Variants in NFIB observed in about 807,000 individuals in gnomAD.
The protein encoded by NFIB is nuclear factor I B, also known as nuclear factor 1 B-type.
NFIB carries 11 observed loss-of-function variants against 61.5 expected under a neutral mutation model. The ratio of observed to expected loss-of-function variants is 0.18; its 90% CI spans 0.11 to 0.30. The LOEUF (loss-of-function observed/expected upper bound fraction) is 0.30, where lower values mean the gene tolerates loss of function less well. Among genes scored for constraint, NFIB ranks in the 10% least tolerant of loss-of-function variants. The pLI is 1.00. For synonymous variants in NFIB, 260 were observed against 216.5 expected (o/e 1.20, Z -1.76); for missense variants, 471 against 608.9 (o/e 0.77, Z 2.38).
the NFIB span, among the ~76,000 whole-genome samples, chr9:14,520,138 A>C: frequency 6.6e-6 from 1 of 151,886 alleles, no homozygotes; most frequent in Non-Finnish European, 1.5e-5. Flanking sequence ...ATTTCCTTCT[A>C]CTAAAAATTT....
At chr9:14,185,997 A>G (rs555479790) in intron 2 of NFIB, among the ~76,000 whole-genome samples, 1 of 152,348 alleles carries the variant, frequency 6.6e-6, no homozygotes, top group African/African-American at 2.4e-5. Flanking sequence ...ACCTTTATAG[A>G]TAAACTTTCT....
chr9:14,367,903 T>G (rs923091421), intron 1 of NFIB, among the ~76,000 whole-genome samples: 2 of 151,974 alleles, frequency 1.3e-5, no homozygotes, highest in African/African-American at 4.8e-5. Flanking sequence ...AAGGGAGGGA[T>G]AGCATTAGGA....
At chr9:14,381,137 G>A (rs1221315475) in intron 1 of NFIB, among the ~76,000 whole-genome samples, 2 of 149,598 alleles carry the variant, frequency 1.3e-5, no homozygotes, top group Non-Finnish European at 3.0e-5. Context: ...TTCTGTATTT[G>A]GTGTGAATCT....
chr9:14,445,741 G>C, the NFIB span, among the ~76,000 whole-genome samples: 1 of 151,990 alleles, frequency 6.6e-6, no homozygotes, highest in Non-Finnish European at 1.5e-5. Flanking sequence ...TTTTGTTTAG[G>C]ATTTATGCTG....
the NFIB span, among the ~76,000 whole-genome samples, chr9:14,455,950 C>T: frequency 1.4e-4 from 21 of 152,126 alleles, 1 homozygote; most frequent in Middle Eastern, 6.8e-3. Flanking sequence ...CAAGTTCATT[C>T]GGAAAATTAG....
intron 1 of NFIB, among the ~76,000 whole-genome samples, chr9:14,340,185 C>T (rs569248832): frequency 1.4e-4 from 22 of 152,234 alleles, no homozygotes; most frequent in African/African-American, 4.8e-4. Context: ...TTCTGATCTG[C>T]GCATTAGCAT....
At chr9:14,204,681 T>C in intron 2 of NFIB, 1 of 628,980 alleles carries the variant, frequency 1.6e-6, no homozygotes, top group Non-Finnish European at 2.8e-6. Context: ...ATCACCACCT[T>C]GGTGTAGAAT....
intron 2 of NFIB, among the ~76,000 whole-genome samples, chr9:14,255,255 T>A (rs2056107197): frequency 6.6e-6 from 1 of 152,104 alleles, no homozygotes; most frequent in African/African-American, 2.4e-5. Context: ...AAAAGAAACT[T>A]GGCTGAACCA....
chr9:14,512,659 A>G, the NFIB span, among the ~76,000 whole-genome samples: 1 of 151,196 alleles, frequency 6.6e-6, no homozygotes, highest in Admixed American at 6.6e-5. Context: ...CAATTTATCA[A>G]TATTTCACTT....
At chr9:14,383,957 T>C (rs980910362) in intron 1 of NFIB, among the ~76,000 whole-genome samples, 2 of 152,126 alleles carry the variant, frequency 1.3e-5, no homozygotes, top group African/African-American at 4.8e-5. Context: ...CTCACAATTG[T>C]ATAGGAGGGC....
In NFIB at chr9:14,120,577, T is replaced by G. The variant is rs763874779; in HGVS notation, c.1108A>C (p.Thr370Pro). 1.2e-6 allele frequency: 2 copies of G among 1,613,334 alleles called. No homozygotes were observed. Among genetic ancestry groups the G allele is most frequent in the Non-Finnish European group, 1.7e-6 (2 of 1,179,746 alleles). ...GGGGCTGGAGGAAGGATAGCTTGTG[T>G]TGGAAATGGCAACGGTGAAGGTGGA... The part of the protein sequence containing the change: ...PPPPSPLPFP[T>P]QAILPPAPSS... The change falls in exon 8 of 11, where the codon ACA becomes CCA. Residue 370 changes from threonine to proline, a missense_variant. Thr to Pro is a conservative substitution (Grantham distance 38, BLOSUM62 -1). Around this residue, in one of 2 missense-constraint regions of NFIB, gnomAD observed 372 missense variants for 395.6 expected, o/e 0.94. Coordinates refer to ENST00000380953, the MANE Select transcript of NFIB (RefSeq NM_001190737.2). This position sits in a 1 kb window ranked among gnomAD's most constrained non-coding sequence, Gnocchi z 4.4.
At chr9:14,378,518 A>G (rs839496) in intron 1 of NFIB, among the ~76,000 whole-genome samples, 129,804 of 152,116 alleles carry the variant, frequency 0.85, 55,641 homozygotes, top group African/African-American at 0.93. Flanking sequence ...CACCACGCCC[A>G]GCTAGTTTTT....
In NFIB at chr9:14,134,913, A is replaced by AAAAAAAAAAAAAAAAAAAAG. The variant is rs1011872669; in HGVS notation, c.926-9148_926-9147insCTTTTTTTTTTTTTTTTTTT. On this transcript the variant is annotated intron_variant, in intron 6 of 10. Transcript: ENST00000380953. ...ACTCTGTCTCAAAAAAAAAAAAAAA[A>AAAAAAAAAAAAAAAAAAAAG]AAAAAAAGGAAATTGAAGGATATGG... 2.4e-3 allele frequency among the ~76,000 whole-genome samples: 319 copies of AAAAAAAAAAAAAAAAAAAAG among 133,248 alleles called. 4 individuals are homozygous for AAAAAAAAAAAAAAAAAAAAG. Among genetic ancestry groups the AAAAAAAAAAAAAAAAAAAAG allele is most frequent in the Middle Eastern group, 4.6e-3 (1 of 216 alleles). The allele number at this position is 133,248 out of a possible 152,430, so 87.4% of individuals were successfully genotyped here.
chr9:14,486,416 A>G, the NFIB span, among the ~76,000 whole-genome samples: 4 of 152,290 alleles, frequency 2.6e-5, no homozygotes, highest in East Asian at 7.7e-4. Context: ...GCAAGAGACT[A>G]TTCTAGAAGG....
intron 10 of NFIB, among the ~76,000 whole-genome samples, chr9:14,097,576 C>T (rs1306299920): frequency 6.6e-6 from 1 of 152,056 alleles, no homozygotes; most frequent in African/African-American, 2.4e-5. Context: ...GGACATACTG[C>T]CCTTATCATA....
At chr9:14,167,440 T>C (rs886234043) in intron 3 of NFIB, among the ~76,000 whole-genome samples, 4 of 151,954 alleles carry the variant, frequency 2.6e-5, no homozygotes, top group Non-Finnish European at 4.4e-5. Context: ...GGCTGAGGCA[T>C]GAGAATTGCT....
chr9:14,240,924 A>G (rs1027278667), intron 2 of NFIB, among the ~76,000 whole-genome samples: 1 of 152,218 alleles, frequency 6.6e-6, no homozygotes, highest in East Asian at 1.9e-4. Context: ...CTGAGGTTAG[A>G]AAGCCAGGAC....
chr9:14,292,764 G>A (rs1424170260), intron 2 of NFIB, among the ~76,000 whole-genome samples: 1 of 152,062 alleles, frequency 6.6e-6, no homozygotes, highest in African/African-American at 2.4e-5. Context: ...ATGGAAGAAG[G>A]TAATTCCATT....
chr9:14,523,415 A>G, the NFIB span, among the ~76,000 whole-genome samples: 2 of 152,052 alleles, frequency 1.3e-5, no homozygotes, highest in Non-Finnish European at 2.9e-5. Flanking sequence ...ACCTCTCCAC[A>G]GTCTACCCAT....
Sources: gnomAD v4.1 joint callset for allele counts (sites outside exome capture counted in the v4.1 genomes callset) on GRCh38, gnomAD v4.1.1 for gene constraint, gnomAD v4.1.1 regional missense constraint, Gnocchi (gnomAD v3.1) non-coding constraint, MANE v1.5 for transcripts, NCBI Gene and HGNC (gene_info 2026-07-23, HGNC 2026-07-21) for gene names.